EIF4G3: variants seen among roughly 807,000 people sequenced by gnomAD.
EIF4G3 encodes eIF-4-gamma 3.
In EIF4G3, 34 loss-of-function variants were observed where a neutral mutation model predicts 186.4. The observed-to-expected ratio is 0.18, with a 90% CI of 0.14 to 0.24. The LOEUF is 0.24. Ranked by LOEUF, EIF4G3 falls within the 10% of genes least tolerant of loss-of-function variation. The pLI is 1.00. For missense variants in EIF4G3, 1,536 were observed against 1,948.5 expected, an observed-to-expected ratio of 0.79 and a Z score of 3.99; for synonymous variants, 673 against 679.5, an observed-to-expected ratio of 0.99 and a Z score of 0.15.
rs535338511 is a variant in EIF4G3, at chr1:21,091,056, C to T, written c.-271-1843G>A. 1.2e-3 allele frequency among the ~76,000 whole-genome samples: 189 copies of T among 152,258 alleles called. 1 individual carries two copies. Among genetic ancestry groups the T allele is most frequent in the African/African-American group, 4.3e-3 (179 of 41,544 alleles). Reference sequence around the variant, plus strand: ...GTAATGGCAGAATTTCTAAACTATACCCTATTTCACAAAGATACCGAACAG... The same window carrying T: ...GTAATGGCAGAATTTCTAAACTATATCCTATTTCACAAAGATACCGAACAG... On this transcript the variant is annotated intron_variant, in intron 2 of 36. Coordinates refer to ENST00000602326, the MANE Select transcript of EIF4G3 (RefSeq NM_001391906.1).
intron 2 of EIF4G3, among the ~76,000 whole-genome samples, chr1:21,147,943 T>C (rs985020452): frequency 6.6e-6 from 1 of 152,146 alleles, no homozygotes; most frequent in African/African-American, 2.4e-5. Context: ...AAAGTGAAAA[T>C]TCATATCTGG....
intron 2 of EIF4G3, among the ~76,000 whole-genome samples, chr1:21,133,598 A>C (rs2097191748): frequency 6.6e-6 from 1 of 152,198 alleles, no homozygotes. Flanking sequence ...AGGAGAGTGA[A>C]GATGCAACTA....
chr1:21,102,597 C>T (rs1163872334), intron 2 of EIF4G3, among the ~76,000 whole-genome samples: 1 of 152,136 alleles, frequency 6.6e-6, no homozygotes, highest in Non-Finnish European at 1.5e-5. Context: ...ATACATATGG[C>T]TTAAACTCAG....
intron 2 of EIF4G3, among the ~76,000 whole-genome samples, chr1:21,122,952 G>A (rs1011385936): frequency 2.6e-5 from 4 of 152,130 alleles, no homozygotes; most frequent in Admixed American, 6.5e-5. Flanking sequence ...AAAATTACAC[G>A]GTTGGAACAT....
At chr1:20,817,956 G>A (rs2061472894) in intron 33 of EIF4G3, among the ~76,000 whole-genome samples, 1 of 152,088 alleles carries the variant, frequency 6.6e-6, no homozygotes, top group Non-Finnish European at 1.5e-5. Context: ...TTACAGGCAT[G>A]ACTCACCACG....
intron 20 of EIF4G3, among the ~76,000 whole-genome samples, chr1:20,877,562 A>G (rs1251050143): frequency 1.3e-5 from 2 of 152,180 alleles, no homozygotes; most frequent in Admixed American, 6.5e-5. Flanking sequence ...TATTTTTATT[A>G]TAATAATCAT....
intron 1 of EIF4G3, 149 bp from the exon 2 acceptor site, chr1:21,176,507 G>A (rs2098111633): frequency 6.2e-6 from 1 of 162,338 alleles, no homozygotes; most frequent in African/African-American, 2.5e-5. Flanking sequence ...CGGGAGCGGG[G>A]GGCTGGGGGG....
intron 12 of EIF4G3, among the ~76,000 whole-genome samples, chr1:20,965,549 C>G (rs1353465550): frequency 6.6e-6 from 1 of 152,124 alleles, no homozygotes; most frequent in Non-Finnish European, 1.5e-5. Context: ...AACTGGCTTC[C>G]TCTCCTTCAA....
chr1:20,957,132 C>CA (rs1206059958), intron 12 of EIF4G3, among the ~76,000 whole-genome samples: 4 of 151,908 alleles, frequency 2.6e-5, no homozygotes, highest in Non-Finnish European at 5.9e-5. Flanking sequence ...GAAAGGTTGC[C>CA]AAGGTCAGAA....
chr1:20,838,732 G>A (rs1443281419), intron 30 of EIF4G3, among the ~76,000 whole-genome samples: 2 of 152,116 alleles, frequency 1.3e-5, no homozygotes. Context: ...CTAGGCTGGA[G>A]TGCAGTGGTG....
rs1028998456 is a variant in EIF4G3 at position 20,895,221 on chromosome 1, T to A, written c.2133+147A>T. 10 of 977,288 alleles carry A rather than the reference T, an allele frequency of 1.0e-5. No homozygotes were observed. The African/African-American group carries it at 1.5e-4, about 14-fold the overall frequency. 60.5% of individuals were successfully genotyped at this position (977,288 alleles called of 1,614,324 possible). A position where few individuals can be genotyped will look rare whatever the true frequency, so the allele number is the denominator to read the frequency against. ...AAGAAACTCAAAATCCAACAGTGTTTAGGGAAACAAATTCTTAAACATTAG... is the reference window on the plus strand; with the variant it reads ...AAGAAACTCAAAATCCAACAGTGTTAAGGGAAACAAATTCTTAAACATTAG... On this transcript the variant is annotated intron_variant, in intron 17 of 36. Transcript: ENST00000602326.
intron 33 of EIF4G3, among the ~76,000 whole-genome samples, chr1:20,818,183 C>T (rs950994751): frequency 7.9e-5 from 12 of 152,082 alleles, no homozygotes; most frequent in Non-Finnish European, 1.8e-4. Flanking sequence ...GAAAAGGGTA[C>T]AATTTCACTC....
intron 2 of EIF4G3, chr1:21,175,507 C>T (rs2098084268): frequency 1.3e-5 from 2 of 152,200 alleles, no homozygotes; most frequent in South Asian, 4.1e-4. Context: ...TGAACTTCCT[C>T]TTCCTTTAAA....
intron 14 of EIF4G3, among the ~76,000 whole-genome samples, chr1:20,934,210 C>T (rs1291808036): frequency 6.6e-6 from 1 of 152,134 alleles, no homozygotes; most frequent in African/African-American, 2.4e-5. Flanking sequence ...GATGACCCTG[C>T]TGAGGAAGAT....
intron 14 of EIF4G3, among the ~76,000 whole-genome samples, chr1:20,912,181 G>A (rs905203195): frequency 2.0e-5 from 3 of 152,234 alleles, no homozygotes; most frequent in Non-Finnish European, 2.9e-5. Flanking sequence ...GGAGGCTGAG[G>A]CAAGAAGATT....
intron 2 of EIF4G3, among the ~76,000 whole-genome samples, chr1:21,108,355 T>C (rs1442053513): frequency 6.6e-6 from 1 of 152,170 alleles, no homozygotes; most frequent in African/African-American, 2.4e-5. Flanking sequence ...CATATTTATA[T>C]GTAATATATA....
intron 4 of EIF4G3, among the ~76,000 whole-genome samples, chr1:21,007,847 A>G (rs921160054): frequency 8.5e-5 from 13 of 152,338 alleles, no homozygotes; most frequent in African/African-American, 3.1e-4. Context: ...AGACGGTTAT[A>G]AAGAGTGTAC....
chr1:21,001,161 C>T (rs2083430806), intron 6 of EIF4G3, 38 bp downstream of exon 6: 2 of 471,076 alleles, frequency 4.2e-6, no homozygotes, highest in Non-Finnish European at 8.8e-6. Context: ...CCAGAGGCAC[C>T]ACTGCCTGCA....
At chr1:21,086,137 A>G (rs1314375375) in intron 3 of EIF4G3, among the ~76,000 whole-genome samples, 1 of 151,924 alleles carries the variant, frequency 6.6e-6, no homozygotes, top group African/African-American at 2.4e-5. Flanking sequence ...TAATTGATCT[A>G]CAATAGGTGT....
Sources: gnomAD v4.1 joint callset for allele counts (sites outside exome capture counted in the v4.1 genomes callset) on GRCh38, gnomAD v4.1.1 for gene constraint, MANE v1.5 for transcripts, NCBI Gene and HGNC (gene_info 2026-07-23, HGNC 2026-07-21) for gene names.